Variants in BAIAP2 observed in about 807,000 individuals in gnomAD.
BAIAP2 encodes the protein BAR/IMD domain containing adaptor protein 2.
A neutral mutation model predicts 63.0 loss-of-function variants in BAIAP2; 18 were observed. The observed-to-expected ratio is 0.29, with a 90% CI of 0.20 to 0.42. The LOEUF is 0.42. Ranked by LOEUF, BAIAP2 falls within the 10% of genes least tolerant of loss-of-function variation. The pLI is 1.00. For synonymous variants in BAIAP2, 386 were observed against 307.6 expected, an observed-to-expected ratio of 1.25 and a Z score of -2.67; for missense variants, 610 against 734.3, an observed-to-expected ratio of 0.83 and a Z score of 1.96.
intron 3 of BAIAP2, among the ~76,000 whole-genome samples, chr17:81,064,399 C>A (rs573670971): frequency 5.3e-5 from 8 of 152,314 alleles, no homozygotes; most frequent in African/African-American, 1.9e-4. Flanking sequence ...GTGGATGATG[C>A]TGCCCGCTCC....
chr17:81,106,827 G>A lies in BAIAP2; in HGVS notation c.1420G>A (p.Ala474Thr), dbSNP rs767894444. ...CATCCCACCCCCCGATTACGGCGCC[G>A]CCTCCCGGGCCTTCCCCGCCCAGAC... ...LAIPPPDYGA[A>T]SRAFPAQTAS... Residue 474 changes from alanine to threonine, a missense_variant, in exon 12 of 14, where the codon GCC (alanine) becomes ACC (threonine). Physicochemically the swap from Ala to Thr is moderately conservative, Grantham distance 58 (BLOSUM62 0). This residue lies in a region of BAIAP2 where 114 missense variants were observed against 98.2 expected (regional missense o/e 1.16). Coordinates refer to ENST00000428708, the MANE Select transcript of BAIAP2 (RefSeq NM_001144888.2). 28 of 1,611,226 alleles carry A rather than the reference G, an allele frequency of 1.7e-5. No homozygotes were observed. The highest frequency in any genetic ancestry group is 1.3e-4 in the African/African-American group (10 of 74,918).
chr17:81,066,161 A>G (rs2051422825), intron 3 of BAIAP2, among the ~76,000 whole-genome samples: 1 of 152,186 alleles, frequency 6.6e-6, no homozygotes, highest in Non-Finnish European at 1.5e-5. Flanking sequence ...TGTCCTTTGA[A>G]GAGGCCGCTG....
At chr17:81,080,530 C>T (rs551150453) in intron 3 of BAIAP2, among the ~76,000 whole-genome samples, 1 of 152,170 alleles carries the variant, frequency 6.6e-6, no homozygotes, top group Non-Finnish European at 1.5e-5. Flanking sequence ...TGGTGATGAC[C>T]GTCACCTGGC....
chr17:81,055,348 A>G (rs1258981678), intron 2 of BAIAP2, among the ~76,000 whole-genome samples: 2 of 151,938 alleles, frequency 1.3e-5, no homozygotes, highest in Admixed American at 6.6e-5. Context: ...GGTGGCCTTC[A>G]TGTTTCCTTG....
At chr17:81,059,102 C>T (rs117316468) in intron 3 of BAIAP2, among the ~76,000 whole-genome samples, 38 of 152,154 alleles carry the variant, frequency 2.5e-4, no homozygotes, top group African/African-American at 9.2e-4. Context: ...ACTTCGCAGC[C>T]CCCTGCGGAC....
intron 3 of BAIAP2, among the ~76,000 whole-genome samples, chr17:81,082,010 G>C (rs2145183021): frequency 6.6e-6 from 1 of 152,190 alleles, no homozygotes; most frequent in East Asian, 1.9e-4. Flanking sequence ...TAGGTGGTTT[G>C]TGTGTGGCAG....
intron 6 of BAIAP2, among the ~76,000 whole-genome samples, chr17:81,094,818 G>C (rs570891469): frequency 6.6e-6 from 1 of 152,214 alleles, no homozygotes. Flanking sequence ...GTCCGCAGCC[G>C]CATCCTTTCG....
chr17:81,109,683 C>A, intron 13 of BAIAP2: 1 of 985,412 alleles, frequency 1.0e-6, no homozygotes, highest in African/African-American at 1.7e-5. Context: ...ACACTGCGGG[C>A]CAGGTGTACA....
intron 3 of BAIAP2, among the ~76,000 whole-genome samples, chr17:81,073,795 G>A (rs916617847): frequency 6.6e-6 from 1 of 152,328 alleles, no homozygotes; most frequent in East Asian, 1.9e-4. Context: ...TGTGAAAGCC[G>A]AAGTGTGAGG....
chr17:81,072,363 C>T (rs569424156), intron 3 of BAIAP2, among the ~76,000 whole-genome samples: 8 of 152,360 alleles, frequency 5.3e-5, no homozygotes, highest in African/African-American at 1.9e-4. Flanking sequence ...AGGAGGGGCT[C>T]TCCTCAGTGT....
At chr17:81,045,751 G>A (rs1056576161) in intron 1 of BAIAP2, among the ~76,000 whole-genome samples, 5 of 152,150 alleles carry the variant, frequency 3.3e-5, no homozygotes, top group Non-Finnish European at 5.9e-5. Flanking sequence ...GTCTCCCTTC[G>A]GTCTTCCAGG....
Position 81,047,379 on chromosome 17 carries a change from G to A in BAIAP2, c.55-6289G>A, listed in dbSNP as rs537495044. Among the ~76,000 whole-genome samples the A allele has an allele frequency of 3.3e-5, 5 of 152,256 alleles. No individual in the cohort carries two copies. In the South Asian group the frequency reaches 1.0e-3, roughly 32 times the overall value. On this transcript the variant is annotated intron_variant, in intron 1 of 13. Transcript: ENST00000428708. ...GCTGGGTGAGGATTAGGGTGATGAG[G>A]GTCTAAGGCAGCCGGAGAGGGTCCT...
chr17:81,084,389 C>T (rs897509461), intron 3 of BAIAP2, among the ~76,000 whole-genome samples: 1 of 152,284 alleles, frequency 6.6e-6, no homozygotes. Context: ...GGGTGTCCCC[C>T]AGAGGAGGTT....
intron 1 of BAIAP2, among the ~76,000 whole-genome samples, chr17:81,040,183 G>T (rs187441302): frequency 6.6e-6 from 1 of 152,226 alleles, no homozygotes; most frequent in Non-Finnish European, 1.5e-5. Context: ...GCCAGAGTCT[G>T]CCCTGTGTTG....
chr17:81,084,222 GA>G (rs1568135330), intron 3 of BAIAP2, among the ~76,000 whole-genome samples: 16 of 152,216 alleles, frequency 1.1e-4, no homozygotes, highest in Admixed American at 2.0e-4. Context: ...GCTGCCTGGT[GA>G]GCCTATCCCA....
Position 81,084,936 on chromosome 17 carries a change from C to T in BAIAP2, c.279+43C>T, listed in dbSNP as rs774950154. ...GTGGCCCTGCGAGGAGGGGCAGGTG[C>T]GACGGGAGAGCTGGCGCCACACCTT... is the stretch of plus-strand genomic sequence containing the variant. On this transcript the variant is annotated intron_variant, in intron 4 of 13. Coordinates refer to ENST00000428708, the MANE Select transcript of BAIAP2 (RefSeq NM_001144888.2). 23 of 1,595,552 alleles carry T rather than the reference C, an allele frequency of 1.4e-5. No individual in the cohort carries two copies. In the East Asian group the frequency reaches 2.9e-4, roughly 20 times the overall value.
chr17:81,062,688 CTTTTTT>C (rs36092037), intron 3 of BAIAP2, among the ~76,000 whole-genome samples: 3 of 133,484 alleles, frequency 2.2e-5, no homozygotes, highest in East Asian at 4.4e-4. Context: ...TTTTTCTTTC[CTTTTTT>C]TTTTTTTTTT....
chr17:81,057,969 T>TGGGGGGGGGGGGGGGG lies in BAIAP2; in HGVS notation c.217+3_217+4insGGGGGGGGGGGGGGGG. On this transcript the variant is annotated splice_region_variant and intron_variant, in intron 3 of 13. Coordinates refer to ENST00000428708, the MANE Select transcript of BAIAP2 (RefSeq NM_001144888.2). ...AGAGCCAGGGCTCCAAAGAACTCGG[T>TGGGGGGGGGGGGGGGG]GAGACCCCCCCCCCCCCCCCGCCTG... 1.0e-6 allele frequency: 1 copy of TGGGGGGGGGGGGGGGG among 964,862 alleles called. No individual in the cohort carries two copies. Among genetic ancestry groups the TGGGGGGGGGGGGGGGG allele is most frequent in the Middle Eastern group, 3.7e-4 (1 of 2,688 alleles). The allele number at this position is 964,862 out of a possible 1,614,324, so 59.8% of individuals were successfully genotyped here.
At chr17:81,096,895 C>T (rs535961212) in intron 6 of BAIAP2, among the ~76,000 whole-genome samples, 1 of 152,250 alleles carries the variant, frequency 6.6e-6, no homozygotes, top group Non-Finnish European at 1.5e-5. Flanking sequence ...TGTTGCATAA[C>T]CAGAGGAAAA....
Sources: allele counts gnomAD v4.1 joint callset (sites outside exome capture counted in the v4.1 genomes callset), GRCh38; gene constraint gnomAD v4.1.1; regional missense constraint gnomAD v4.1.1; transcripts MANE v1.5; gene names NCBI Gene and HGNC (gene_info 2026-07-23, HGNC 2026-07-21).